Variants in RTL4 observed in about 807,000 individuals in gnomAD.
RTL4 encodes the protein retrotransposon Gag-like protein 4.
A neutral mutation model predicts 5.3 loss-of-function variants in RTL4; 4 were observed. The observed-to-expected ratio is 0.75, with a 90% CI of 0.37 to 1.72. RTL4 has a LOEUF of 1.72. Among genes scored for constraint, RTL4 ranks in the 40% most tolerant of loss-of-function variants. RTL4 has a pLI of 0.04. For missense variants in RTL4, 260 were observed against 227.1 expected (o/e 1.14, Z -0.93); for synonymous variants, 98 against 87.3 (o/e 1.12, Z -0.68).
the RTL4 span, among the ~76,000 whole-genome samples, chrX:112,222,971 A>C: frequency 3.6e-5 from 4 of 112,461 alleles, no homozygotes; most frequent in Non-Finnish European, 1.9e-5. Flanking sequence ...GTATCATGGA[A>C]ATAGAGTTAT....
At chrX:112,403,902 C>G in the RTL4 span, among the ~76,000 whole-genome samples, 1 of 112,050 alleles carries the variant, frequency 8.9e-6, no homozygotes, top group African/African-American at 3.2e-5. Flanking sequence ...AATTAGTTAC[C>G]AGCATTTAAA....
chrX:112,244,643 T>C, the RTL4 span, among the ~76,000 whole-genome samples: 1 of 112,013 alleles, frequency 8.9e-6, no homozygotes, highest in Non-Finnish European at 1.9e-5. Context: ...CTTGACTCTT[T>C]ATCCAATTTG....
the RTL4 span, among the ~76,000 whole-genome samples, chrX:112,242,600 A>C: frequency 6.3e-5 from 7 of 111,821 alleles, no homozygotes; most frequent in African/African-American, 2.3e-4. Context: ...TTTTGGGCTG[A>C]GATCATGGAG....
the RTL4 span, among the ~76,000 whole-genome samples, chrX:112,232,569 A>G: frequency 3.6e-5 from 4 of 111,897 alleles, no homozygotes; most frequent in Non-Finnish European, 7.5e-5. Flanking sequence ...TAAAAATAAG[A>G]GTCAACCCTT....
chrX:112,149,662 G>A, the RTL4 span, among the ~76,000 whole-genome samples: 1 of 112,215 alleles, frequency 8.9e-6, no homozygotes, highest in Admixed American at 9.4e-5. Flanking sequence ...TCCTGCTCTT[G>A]TTCATTCAGC....
the RTL4 span, among the ~76,000 whole-genome samples, chrX:112,304,302 G>C: frequency 1.8e-5 from 2 of 111,225 alleles, no homozygotes; most frequent in African/African-American, 6.6e-5. Flanking sequence ...GGTGATGTGT[G>C]TGTGCGTGTG....
chrX:112,316,752 A>G, the RTL4 span, among the ~76,000 whole-genome samples: 2 of 111,817 alleles, frequency 1.8e-5, no homozygotes, highest in African/African-American at 6.5e-5. Flanking sequence ...TCCCAACCAG[A>G]GAAGCAAACT....
the RTL4 span, among the ~76,000 whole-genome samples, chrX:112,399,923 A>T: frequency 9.0e-6 from 1 of 111,656 alleles, no homozygotes; most frequent in South Asian, 3.7e-4. Context: ...AATATTAAAA[A>T]GCTACTACTC....
the RTL4 span, among the ~76,000 whole-genome samples, chrX:112,130,124 G>A: frequency 5.4e-5 from 6 of 111,236 alleles, no homozygotes; most frequent in Admixed American, 5.7e-4. Context: ...TTTTGAAATT[G>A]ACAAGCTGAT....
At chrX:112,434,683 G>A in the RTL4 span, among the ~76,000 whole-genome samples, 2 of 111,156 alleles carry the variant, frequency 1.8e-5, no homozygotes, top group African/African-American at 6.6e-5. Flanking sequence ...CAAAAAACCC[G>A]AGTGGTTATT....
At chrX:112,328,699 A>C in the RTL4 span, among the ~76,000 whole-genome samples, 7 of 112,041 alleles carry the variant, frequency 6.2e-5, no homozygotes, top group African/African-American at 2.3e-4. Context: ...AATCAACAGA[A>C]TATACATTTT....
At chrX:112,209,279 C>T in the RTL4 span, among the ~76,000 whole-genome samples, 1 of 112,283 alleles carries the variant, frequency 8.9e-6, no homozygotes, top group Non-Finnish European at 1.9e-5. Flanking sequence ...TTCTAAGTCC[C>T]TGACCATCCA....
At chrX:112,381,338 C>G in the RTL4 span, 5 of 1,209,195 alleles carry the variant, frequency 4.1e-6, no homozygotes, top group Non-Finnish European at 5.6e-6. Flanking sequence ...TTTTGTCAAG[C>G]CAGAGAAGCT....
chrX:112,182,173 C>T, the RTL4 span, among the ~76,000 whole-genome samples: 1 of 111,573 alleles, frequency 9.0e-6, no homozygotes, highest in Non-Finnish European at 1.9e-5. Context: ...GAAACCCCAT[C>T]CAAAGGTCAC....
At chrX:112,180,921 A>G in the RTL4 span, among the ~76,000 whole-genome samples, 12 of 112,169 alleles carry the variant, frequency 1.1e-4, no homozygotes, top group Non-Finnish European at 1.9e-4. Context: ...TCCAGTCTGC[A>G]GCTCCCAGTG....
At chrX:112,342,996 G>A in the RTL4 span, among the ~76,000 whole-genome samples, 2 of 111,450 alleles carry the variant, frequency 1.8e-5, no homozygotes, top group African/African-American at 6.5e-5. Flanking sequence ...AGCTACCCAG[G>A]AGGCTGAGGC....
chrX:112,422,402 C>T, the RTL4 span, among the ~76,000 whole-genome samples: 1 of 110,909 alleles, frequency 9.0e-6, no homozygotes, highest in Non-Finnish European at 1.9e-5. Flanking sequence ...CTATCTATGA[C>T]CCAGAAAACA....
the RTL4 span, among the ~76,000 whole-genome samples, chrX:112,296,039 G>A: frequency 8.9e-5 from 10 of 111,953 alleles, no homozygotes; most frequent in Non-Finnish European, 9.4e-5. Flanking sequence ...ACTGCAGAGA[G>A]GGGATAGGAT....
At chrX:112,123,942 C>T in the RTL4 span, among the ~76,000 whole-genome samples, 2 of 110,156 alleles carry the variant, frequency 1.8e-5, no homozygotes, top group African/African-American at 6.6e-5. Flanking sequence ...ACCCATCTGA[C>T]AAAGGTCTAA....
Sources: gnomAD v4.1 joint callset for allele counts (sites outside exome capture counted in the v4.1 genomes callset) on GRCh38, gnomAD v4.1.1 for gene constraint, MANE v1.5 for transcripts, NCBI Gene and HGNC (gene_info 2026-07-23, HGNC 2026-07-21) for gene names.